Variants in GDAP1 observed in about 807,000 individuals in gnomAD.
GDAP1 encodes the protein ganglioside-induced differentiation-associated protein 1.
In GDAP1, 34 loss-of-function variants were observed where a neutral mutation model predicts 40.1. The ratio of observed to expected loss-of-function variants is 0.85; its 90% CI spans 0.64 to 1.13. The LOEUF (loss-of-function observed/expected upper bound fraction) is 1.13. Among genes scored for constraint, GDAP1 ranks in the 50% most tolerant of loss-of-function variants. The probability of loss-of-function intolerance (pLI) is 0.00; values close to 1 mark genes in which losing one functional copy is unlikely to be tolerated. For missense variants in GDAP1, 374 were observed against 433.7 expected (o/e 0.86, Z 1.22); for synonymous variants, 170 against 157.4 (o/e 1.08, Z -0.60).
chr8:74,372,223 A>G (rs1292472542), intron 2 of GDAP1, among the ~76,000 whole-genome samples: 1 of 152,198 alleles, frequency 6.6e-6, no homozygotes, highest in African/African-American at 2.4e-5. Context: ...GTGCCGCAAT[A>G]AACATATGTG....
chr8:74,438,592 A>T (rs981958356), intron 2 of GDAP1, among the ~76,000 whole-genome samples: 24 of 152,030 alleles, frequency 1.6e-4, no homozygotes, highest in African/African-American at 5.8e-4. Context: ...TTGCCCATTT[A>T]TCTATTGAAT....
intron 2 of GDAP1, among the ~76,000 whole-genome samples, chr8:74,479,422 C>T (rs558431089): frequency 1.3e-5 from 2 of 152,216 alleles, no homozygotes; most frequent in Non-Finnish European, 1.5e-5. Context: ...ATTAAAATCT[C>T]CTAATTATAA....
rs1172820351 is a variant in GDAP1, at chr8:74,399,644, G to A, written c.165+48323G>A. 6.1e-5 allele frequency among the ~76,000 whole-genome samples: 8 copies of A among 131,238 alleles called. No homozygotes were observed. The South Asian group carries it at 1.0e-3, about 17-fold the overall frequency. 86.1% of individuals were successfully genotyped at this position (131,238 alleles called of 152,430 possible). Reference sequence around the variant, plus strand: ...CTAGTTCTTTTAATTGTGATGTTAGGGTGTCAATTTTGGATCTTTCCTTCT... The same window carrying A: ...CTAGTTCTTTTAATTGTGATGTTAGAGTGTCAATTTTGGATCTTTCCTTCT... On this transcript the variant is annotated intron_variant, in intron 2 of 2. Coordinates refer to the GDAP1 transcript ENST00000523640.
At chr8:74,443,905 T>G (rs1481722197) in intron 2 of GDAP1, among the ~76,000 whole-genome samples, 1 of 152,172 alleles carries the variant, frequency 6.6e-6, no homozygotes, top group Non-Finnish European at 1.5e-5. Flanking sequence ...CCAGCTGTTT[T>G]TCTTTCCTGG....
At chr8:74,419,536 A>G (rs1458903150) in intron 2 of GDAP1, among the ~76,000 whole-genome samples, 3 of 152,146 alleles carry the variant, frequency 2.0e-5, no homozygotes, top group African/African-American at 7.2e-5. Flanking sequence ...TTTTCTTGTC[A>G]TTGAGTTGTA....
chr8:74,457,948 T>G (rs151012374), intron 2 of GDAP1, among the ~76,000 whole-genome samples: 1 of 152,294 alleles, frequency 6.6e-6, no homozygotes, highest in African/African-American at 2.4e-5. Flanking sequence ...TCCTTGGAAG[T>G]AGTGTACTAC....
chr8:74,372,788 A>G (rs540361768), intron 2 of GDAP1, among the ~76,000 whole-genome samples: 1 of 152,216 alleles, frequency 6.6e-6, no homozygotes, highest in South Asian at 2.1e-4. Flanking sequence ...CCATTTGTCA[A>G]TTTTGGCTTT....
In GDAP1 at chr8:74,375,912, G is replaced by A. The variant is rs551882407; in HGVS notation, c.165+24591G>A. Reference sequence around the variant, plus strand: ...AAAACACTTAGAAATATTAAATGAAGTTAGCAAGTTCTCAGAATGCAAGAT... The same window carrying A: ...AAAACACTTAGAAATATTAAATGAAATTAGCAAGTTCTCAGAATGCAAGAT... On this transcript the variant is annotated intron_variant, in intron 2 of 2. Transcript: ENST00000523640. Among the ~76,000 whole-genome samples the A allele has an allele frequency of 5.9e-5, 9 of 152,312 alleles. No homozygotes were observed. In the South Asian group the frequency reaches 1.7e-3, roughly 28 times the overall value.
At position 74,365,438 on chromosome 8, in the gene GDAP1, G is replaced by C. The variant is rs1195872642; in HGVS notation, c.*1071G>C. On this transcript the variant is annotated 3_prime_UTR_variant, in exon 6 of 6. Transcript: ENST00000220822. Reference sequence around the variant, plus strand: ...GGGATACCTCAGTTCATGTGGAAGGGACAGTCTCGGTGTGTCCCATGAATA... The same window carrying C: ...GGGATACCTCAGTTCATGTGGAAGGCACAGTCTCGGTGTGTCCCATGAATA... The C allele has an allele frequency of 2.2e-6, 1 of 453,982 alleles. No individual in the cohort carries two copies. The highest frequency in any genetic ancestry group is 6.9e-4 in the Middle Eastern group (1 of 1,442). The allele number at this position is 453,982 out of a possible 1,614,324, so 28.1% of individuals were successfully genotyped here.
At chr8:74,463,642 G>A (rs1184078954) in intron 2 of GDAP1, among the ~76,000 whole-genome samples, 6 of 152,052 alleles carry the variant, frequency 3.9e-5, no homozygotes, top group Non-Finnish European at 7.4e-5. Context: ...TAATTTAATA[G>A]AAATAAGTGT....
At chr8:74,441,134 T>A (rs963274589) in intron 2 of GDAP1, among the ~76,000 whole-genome samples, 1 of 152,136 alleles carries the variant, frequency 6.6e-6, no homozygotes, top group African/African-American at 2.4e-5. Context: ...CAGTTTGTAT[T>A]TTCTGAAAAG....
chr8:74,446,932 G>A (rs1806236787), intron 2 of GDAP1, among the ~76,000 whole-genome samples: 2 of 152,044 alleles, frequency 1.3e-5, no homozygotes, highest in Non-Finnish European at 2.9e-5. Flanking sequence ...TGACTATTAT[G>A]GGTACTGATT....
At chr8:74,459,186 A>AAAAC (rs767850426) in intron 2 of GDAP1, among the ~76,000 whole-genome samples, 2 of 152,184 alleles carry the variant, frequency 1.3e-5, no homozygotes, top group Non-Finnish European at 2.9e-5. Context: ...AAGAGGTAAG[A>AAAAC]AAACAAAAGC....
intron 2 of GDAP1, among the ~76,000 whole-genome samples, chr8:74,396,662 A>G (rs1810205374): frequency 3.3e-5 from 5 of 152,128 alleles, no homozygotes; most frequent in Admixed American, 3.3e-4. Flanking sequence ...AGTTTCATCC[A>G]TGTCCCTACA....
chr8:74,416,914 G>GTT (rs377236108), intron 2 of GDAP1, among the ~76,000 whole-genome samples: 2 of 131,608 alleles, frequency 1.5e-5, no homozygotes, highest in African/African-American at 6.4e-5. Context: ...TTTTTTTTTT[G>GTT]TTTTTTTGTT....
intron 2 of GDAP1, among the ~76,000 whole-genome samples, chr8:74,397,111 G>T (rs1239281310): frequency 6.6e-6 from 1 of 151,950 alleles, no homozygotes; most frequent in African/African-American, 2.4e-5. Context: ...GGCCAGTGAT[G>T]GTGAGCATTT....
At chr8:74,468,999 A>G (rs1806509719) in intron 2 of GDAP1, among the ~76,000 whole-genome samples, 1 of 152,166 alleles carries the variant, frequency 6.6e-6, no homozygotes, top group Non-Finnish European at 1.5e-5. Flanking sequence ...TTGTCTTTTT[A>G]GCATCCAGGG....
chr8:74,455,238 A>G (rs892419487), intron 2 of GDAP1, among the ~76,000 whole-genome samples: 1 of 151,882 alleles, frequency 6.6e-6, no homozygotes, highest in Admixed American at 6.6e-5. Flanking sequence ...CCCTATAGAA[A>G]TCCCTGCATT....
At chr8:74,385,032 C>G (rs1371586535) in intron 2 of GDAP1, among the ~76,000 whole-genome samples, 1 of 152,040 alleles carries the variant, frequency 6.6e-6, no homozygotes, top group African/African-American at 2.4e-5. Context: ...CTATTAACTT[C>G]TACTAAAATA....
Sources: allele counts gnomAD v4.1 joint callset (sites outside exome capture counted in the v4.1 genomes callset), GRCh38; gene constraint gnomAD v4.1.1; transcripts MANE v1.5; gene names NCBI Gene and HGNC (gene_info 2026-07-23, HGNC 2026-07-21).